GPRIN3: variants seen among roughly 807,000 people sequenced by gnomAD.
GPRIN3 encodes G protein-regulated inducer of neurite outgrowth 3.
Under a neutral mutation model 13.7 loss-of-function variants are expected in GPRIN3, and 12 were observed. The observed-to-expected ratio is 0.87, with a 90% CI of 0.56 to 1.42. GPRIN3 has a LOEUF of 1.42. Ranked by LOEUF, GPRIN3 falls within the 40% of genes most tolerant of loss-of-function variation. The probability of loss-of-function intolerance (pLI) is 0.00; values close to 1 mark genes in which losing one functional copy is unlikely to be tolerated. For missense variants in GPRIN3, 1,009 were observed against 958.7 expected (o/e 1.05, Z -0.69); for synonymous variants, 377 against 372.7 (o/e 1.01, Z -0.13).
intron 1 of GPRIN3, among the ~76,000 whole-genome samples, chr4:89,289,023 C>T (rs1033724941): frequency 2.6e-4 from 39 of 152,028 alleles, no homozygotes; most frequent in African/African-American, 8.7e-4. Context: ...CTTTTCTTTC[C>T]ACTTTCAGAT....
At chr4:89,263,832 G>A (rs776508360) in intron 1 of GPRIN3, among the ~76,000 whole-genome samples, 4 of 152,206 alleles carry the variant, frequency 2.6e-5, no homozygotes, top group Non-Finnish European at 4.4e-5. Flanking sequence ...AAGTAGCAGA[G>A]TTGAAATTCA....
rs947335267 is a variant in GPRIN3 at position 89,237,911 on chromosome 4, A to C, written c.*9869T>G. The C allele has an allele frequency of 1.3e-5, 2 of 152,206 alleles. No individual in the cohort carries two copies. Among genetic ancestry groups the C allele is most frequent in the African/African-American group, 2.4e-5 (1 of 41,448 alleles). 9.4% of individuals were successfully genotyped at this position (152,206 alleles called of 1,614,324 possible). ...ACGGCACCTAATGAAACAAACACCC[A>C]CTGGTGGGACATAAACAGCTATAGG... On this transcript the variant is annotated 3_prime_UTR_variant, in exon 2 of 2. Coordinates refer to ENST00000609438, the MANE Select transcript of GPRIN3 (RefSeq NM_198281.3).
chr4:89,269,969 C>T (rs1723883409), intron 1 of GPRIN3, among the ~76,000 whole-genome samples: 1 of 152,128 alleles, frequency 6.6e-6, no homozygotes, highest in South Asian at 2.1e-4. Context: ...TTTACTCAAT[C>T]AATAATGTGC....
At chr4:89,269,206 G>A (rs186511386) in intron 1 of GPRIN3, among the ~76,000 whole-genome samples, 13 of 152,220 alleles carry the variant, frequency 8.5e-5, no homozygotes, top group East Asian at 5.8e-4. Context: ...GATGACCATC[G>A]TTCCTGCTTC....
At chr4:89,271,445 A>C (rs1396390974) in intron 1 of GPRIN3, among the ~76,000 whole-genome samples, 2 of 152,168 alleles carry the variant, frequency 1.3e-5, no homozygotes, top group African/African-American at 4.8e-5. Flanking sequence ...CCCCTTAAAC[A>C]AAACGTAGTA....
rs1220538204 is a variant in GPRIN3 at position 89,246,963 on chromosome 4, A to G, written c.*817T>C. 1.3e-5 allele frequency: 2 copies of G among 152,198 alleles called. No homozygotes were observed. Among genetic ancestry groups the G allele is most frequent in the Non-Finnish European group, 2.9e-5 (2 of 68,042 alleles). The allele number at this position is 152,198 out of a possible 1,614,324, so 9.4% of individuals were successfully genotyped here. On this transcript the variant is annotated 3_prime_UTR_variant, in exon 2 of 2. Coordinates refer to ENST00000609438, the MANE Select transcript of GPRIN3 (RefSeq NM_198281.3). ...ATTTGATGGCTCTTTTCAAGAATTC[A>G]GTCCCATGTACTTCCTCTAGGGTAA...
intron 1 of GPRIN3, among the ~76,000 whole-genome samples, chr4:89,264,116 T>C (rs1187007621): frequency 1.3e-5 from 2 of 152,182 alleles, no homozygotes; most frequent in Admixed American, 6.5e-5. Flanking sequence ...AAAACTCGTG[T>C]TGAAATTTAA....
At chr4:89,251,937 T>A (rs1723339869) in intron 1 of GPRIN3, among the ~76,000 whole-genome samples, 1 of 152,048 alleles carries the variant, frequency 6.6e-6, no homozygotes, top group Admixed American at 6.5e-5. Context: ...ATTTAGGGCA[T>A]ATCATTATGT....
In GPRIN3 at chr4:89,236,890, C is replaced by T. The variant is rs971480754; in HGVS notation, c.*10890G>A. 3.3e-5 allele frequency: 5 copies of T among 152,148 alleles called. No individual in the cohort carries two copies. The highest frequency in any genetic ancestry group is 3.3e-4 in the Admixed American group (5 of 15,272). 9.4% of individuals were successfully genotyped at this position (152,148 alleles called of 1,614,324 possible). A position where few individuals can be genotyped will look rare whatever the true frequency, so the allele number is the denominator to read the frequency against. On this transcript the variant is annotated 3_prime_UTR_variant, in exon 2 of 2. Transcript: ENST00000609438. ...GAAGTGCCCAGCAAAACGTCTGGCA[C>T]AAAGGCATTATTTTTTGTTTTGGCT...
In GPRIN3 at chr4:89,250,202, A is replaced by C; in HGVS notation, c.-92T>G. ...CGCAGTCAGAGCTCAGAGTGATGAC[A>C]CAGTCAGGGATGATTCCTCTGAAGA... On this transcript the variant is annotated 5_prime_UTR_variant, in exon 2 of 2. Transcript: ENST00000609438. 2.0e-6 allele frequency: 3 copies of C among 1,517,564 alleles called. No individual in the cohort carries two copies. Among genetic ancestry groups the C allele is most frequent in the Non-Finnish European group, 2.6e-6 (3 of 1,133,890 alleles). 94.0% of individuals were successfully genotyped at this position (1,517,564 alleles called of 1,614,324 possible). A position where few individuals can be genotyped will look rare whatever the true frequency, so the allele number is the denominator to read the frequency against.
rs778357584 is a variant in GPRIN3, at chr4:89,250,091, G to C, written c.20C>G (p.Pro7Arg). ...CAGGGAAGTTTTAGCTGATCTCAGA[G>C]GGTCAGGTACAGTCCCCATGGAATT... is the stretch of plus-strand genomic sequence containing the variant. MGTVPD[P>R]LRSAKTSLIA... is the part of the protein sequence containing the mutation. The change falls in exon 2 of 2, where the codon CCT becomes CGT. Residue 7 changes from proline to arginine, a missense_variant. Physicochemically the swap from Pro to Arg is moderately radical, Grantham distance 103. Transcript: ENST00000609438. 6 of 1,613,540 alleles carry C rather than the reference G, an allele frequency of 3.7e-6. No individual in the cohort carries two copies. Among genetic ancestry groups the C allele is most frequent in the Non-Finnish European group, 5.1e-6 (6 of 1,179,806 alleles).
chr4:89,259,786 T>C (rs1162357682), intron 1 of GPRIN3, among the ~76,000 whole-genome samples: 1 of 152,190 alleles, frequency 6.6e-6, no homozygotes, highest in Admixed American at 6.5e-5. Flanking sequence ...ATCTTCCAAA[T>C]GCAGAGGCGG....
At chr4:89,264,502 T>C (rs181932065) in intron 1 of GPRIN3, among the ~76,000 whole-genome samples, 1 of 152,256 alleles carries the variant, frequency 6.6e-6, no homozygotes, top group East Asian at 1.9e-4. Flanking sequence ...TTATACTTGG[T>C]TCTTTTTTGG....
intron 1 of GPRIN3, among the ~76,000 whole-genome samples, chr4:89,275,883 T>A (rs1333782285): frequency 2.6e-5 from 4 of 152,196 alleles, no homozygotes; most frequent in Non-Finnish European, 4.4e-5. Context: ...AAAACTCCAA[T>A]CTGCCTAACT....
rs1722822798 is a variant in GPRIN3, at chr4:89,237,795, A to G, written c.*9985T>C. On this transcript the variant is annotated 3_prime_UTR_variant, in exon 2 of 2. Coordinates refer to ENST00000609438, the MANE Select transcript of GPRIN3 (RefSeq NM_198281.3). ...CAAGAGGTATTTTGAGTTCACAATC[A>G]GTCCAGTGAAGCAATATTATGCTAA... 6.6e-6 allele frequency: 1 copy of G among 152,224 alleles called. No homozygotes were observed. The highest frequency in any genetic ancestry group is 1.5e-5 in the Non-Finnish European group (1 of 68,032). 9.4% of individuals were successfully genotyped at this position (152,224 alleles called of 1,614,324 possible). A position where few individuals can be genotyped will look rare whatever the true frequency, so the allele number is the denominator to read the frequency against.
intron 1 of GPRIN3, among the ~76,000 whole-genome samples, chr4:89,255,241 T>A (rs1723435538): frequency 1.3e-5 from 2 of 152,124 alleles, no homozygotes; most frequent in African/African-American, 4.8e-5. Context: ...TAACTCAACC[T>A]CTCAGGGCCC....
intron 1 of GPRIN3, among the ~76,000 whole-genome samples, chr4:89,292,951 A>G (rs933648721): frequency 2.0e-5 from 3 of 152,224 alleles, no homozygotes; most frequent in African/African-American, 7.2e-5. Context: ...ATTAACTTTT[A>G]TATTGTAGGA....
chr4:89,265,101 A>G (rs1057421681), intron 1 of GPRIN3, among the ~76,000 whole-genome samples: 1 of 152,042 alleles, frequency 6.6e-6, no homozygotes, highest in African/African-American at 2.4e-5. Context: ...TCAAAGATAG[A>G]TTTTTCTCTA....
intron 1 of GPRIN3, among the ~76,000 whole-genome samples, chr4:89,268,262 A>G (rs1227106696): frequency 6.6e-6 from 1 of 152,232 alleles, no homozygotes; most frequent in African/African-American, 2.4e-5. Flanking sequence ...GAATCCATCA[A>G]TGTTGTTAGT....
Sources: allele counts gnomAD v4.1 joint callset (sites outside exome capture counted in the v4.1 genomes callset), GRCh38; gene constraint gnomAD v4.1.1; transcripts MANE v1.5; gene names NCBI Gene and HGNC (gene_info 2026-07-23, HGNC 2026-07-21).